The following GPM6A variants were observed in gnomAD, a reference collection of about 807,000 sequenced individuals.
The protein encoded by GPM6A is neuronal membrane glycoprotein M6-a.
GPM6A carries 7 observed loss-of-function variants against 32.1 expected under a neutral mutation model. That is an observed-to-expected ratio of 0.22 (90% CI 0.12 to 0.41). GPM6A has a LOEUF of 0.41. Among genes scored for constraint, GPM6A ranks in the 10% least tolerant of loss-of-function variants. The probability of loss-of-function intolerance (pLI) is 1.00; values close to 1 mark genes in which losing one functional copy is unlikely to be tolerated. For synonymous variants in GPM6A, 130 were observed against 123.4 expected, an observed-to-expected ratio of 1.05 and a Z score of -0.35; for missense variants, 235 against 347.2, an observed-to-expected ratio of 0.68 and a Z score of 2.57.
At chr4:175,987,512 A>G (rs1318237058) in intron 1 of GPM6A, among the ~76,000 whole-genome samples, 3 of 141,340 alleles carry the variant, frequency 2.1e-5, no homozygotes, top group Non-Finnish European at 3.1e-5. Flanking sequence ...TTACTTTTGT[A>G]CTAAAGTGTG....
chr4:175,864,700 T>G (rs1736676794), intron 1 of GPM6A, among the ~76,000 whole-genome samples: 1 of 152,220 alleles, frequency 6.6e-6, no homozygotes, highest in African/African-American at 2.4e-5. Context: ...GGGCATACTA[T>G]TCATGTAATC....
At chr4:175,684,927 C>T (rs1041325867) in intron 2 of GPM6A, among the ~76,000 whole-genome samples, 12 of 152,080 alleles carry the variant, frequency 7.9e-5, no homozygotes, top group Admixed American at 2.0e-4. Flanking sequence ...CTCGCTCTGT[C>T]GCCCAGGCTG....
upstream of GPM6A, among the ~76,000 whole-genome samples, chr4:175,813,326 G>A (rs938300734): frequency 1.3e-5 from 2 of 152,202 alleles, no homozygotes; most frequent in Non-Finnish European, 2.9e-5. Flanking sequence ...CAATGCTGCA[G>A]TCTGGCGATA....
intron 1 of GPM6A, among the ~76,000 whole-genome samples, chr4:175,900,159 G>A (rs1737912690): frequency 6.6e-6 from 1 of 151,754 alleles, no homozygotes; most frequent in Admixed American, 6.6e-5. Context: ...TGTAATCCCA[G>A]CTACTTGGGA....
rs189062835 is a variant in GPM6A, at chr4:175,667,094, A to G, written c.387+6586T>C. Reference sequence around the variant, plus strand: ...TTCTGTAAAAACAAAATAGAGAGCCATAGAGTATTAACCTTCTATATACAG... The same window carrying G: ...TTCTGTAAAAACAAAATAGAGAGCCGTAGAGTATTAACCTTCTATATACAG... On this transcript the variant is annotated intron_variant, in intron 3 of 6. Coordinates refer to ENST00000393658, the MANE Select transcript of GPM6A (RefSeq NM_201591.3). Among the ~76,000 whole-genome samples the G allele has an allele frequency of 3.9e-3, 589 of 152,346 alleles. 5 individuals are homozygous for G. The highest frequency in any genetic ancestry group is 0.013 in the African/African-American group (552 of 41,588).
chr4:175,762,350 C>T (rs1008458041), intron 1 of GPM6A, among the ~76,000 whole-genome samples: 5 of 152,128 alleles, frequency 3.3e-5, no homozygotes, highest in Non-Finnish European at 5.9e-5. Context: ...ACATGTTTGC[C>T]ACATTTTTAT....
chr4:175,984,272 C>T (rs1740902191), intron 1 of GPM6A, among the ~76,000 whole-genome samples: 2 of 152,174 alleles, frequency 1.3e-5, no homozygotes, highest in Admixed American at 1.3e-4. Context: ...AAGAGATTCT[C>T]CCGCCTCAGC....
intron 1 of GPM6A, among the ~76,000 whole-genome samples, chr4:175,710,078 A>C (rs1024449689): frequency 6.6e-6 from 1 of 152,206 alleles, no homozygotes; most frequent in African/African-American, 2.4e-5. Context: ...CACAAAACTT[A>C]GCAAACAGCA....
chr4:175,795,015 T>C (rs1488923354), intron 1 of GPM6A, among the ~76,000 whole-genome samples: 1 of 152,188 alleles, frequency 6.6e-6, no homozygotes, highest in African/African-American at 2.4e-5. Flanking sequence ...ACAACCTCAA[T>C]AGCTTAAGGA....
intron 1 of GPM6A, among the ~76,000 whole-genome samples, chr4:175,862,558 G>A (rs889619394): frequency 3.3e-5 from 5 of 152,030 alleles, no homozygotes; most frequent in African/African-American, 1.2e-4. Context: ...TATACTTTCT[G>A]GTATTGACTA....
intron 1 of GPM6A, among the ~76,000 whole-genome samples, chr4:175,846,278 T>G (rs1429475587): frequency 6.6e-6 from 1 of 152,162 alleles, no homozygotes; most frequent in African/African-American, 2.4e-5. Flanking sequence ...AAATGAATAT[T>G]TGAAAACTTA....
At chr4:175,759,333 C>T (rs1469514704) in intron 1 of GPM6A, among the ~76,000 whole-genome samples, 9 of 151,972 alleles carry the variant, frequency 5.9e-5, no homozygotes, top group Admixed American at 1.3e-4. Flanking sequence ...TTCAATTATA[C>T]GTAGATAATT....
At chr4:175,639,412 A>G (rs1741005092) in intron 6 of GPM6A, among the ~76,000 whole-genome samples, 1 of 152,136 alleles carries the variant, frequency 6.6e-6, no homozygotes, top group African/African-American at 2.4e-5. Flanking sequence ...CACAGTCGTG[A>G]GGTTACTGGG....
intron 1 of GPM6A, among the ~76,000 whole-genome samples, chr4:175,896,457 T>C (rs182755778): frequency 9.7e-4 from 148 of 152,252 alleles, no homozygotes; most frequent in Non-Finnish European, 1.9e-3. Context: ...GATCCAGACA[T>C]GTCTGCCCCC....
chr4:175,707,728 G>A (rs934031680), intron 1 of GPM6A, among the ~76,000 whole-genome samples: 1 of 151,942 alleles, frequency 6.6e-6, no homozygotes, highest in African/African-American at 2.4e-5. Context: ...AAAGTAATGC[G>A]AAAAGGTATC....
intron 1 of GPM6A, chr4:175,787,053 T>G (rs1733830624): frequency 6.0e-6 from 2 of 330,848 alleles, no homozygotes; most frequent in Non-Finnish European, 5.5e-6. Context: ...ATCTCGGTGT[T>G]TGTTTGTTTT....
At chr4:175,976,212 T>C (rs1043430800) in intron 1 of GPM6A, among the ~76,000 whole-genome samples, 2 of 150,252 alleles carry the variant, frequency 1.3e-5, no homozygotes, top group African/African-American at 4.9e-5. Context: ...CAGGCTGGAG[T>C]GCAGCTGCAA....
upstream of GPM6A, among the ~76,000 whole-genome samples, chr4:175,815,361 G>T (rs1264713732): frequency 6.6e-6 from 1 of 152,020 alleles, no homozygotes; most frequent in African/African-American, 2.4e-5. Context: ...TTTAAAATTT[G>T]GATCTCATTG....
Position 175,901,328 on chromosome 4 carries a change from C to T in GPM6A, c.-22-89079G>A, listed in dbSNP as rs139174129. On this transcript the variant is annotated intron_variant, in intron 1 of 7. Transcript: ENST00000280187. ...GTTTGTAACTCAAAGGATAAATGCT[C>T]GAGAGGATGAATACCTCATTCTCCA... Among the ~76,000 whole-genome samples, 5 of 152,108 alleles carry T rather than the reference C, an allele frequency of 3.3e-5. No individual in the cohort carries two copies. In the East Asian group the frequency reaches 5.8e-4, roughly 18 times the overall value.
Sources: gnomAD v4.1 joint callset for allele counts (sites outside exome capture counted in the v4.1 genomes callset) on GRCh38, gnomAD v4.1.1 for gene constraint, MANE v1.5 for transcripts, NCBI Gene and HGNC (gene_info 2026-07-23, HGNC 2026-07-21) for gene names.